The following ROBO2 variants were observed in gnomAD, a reference collection of about 807,000 sequenced individuals.
ROBO2 encodes the protein roundabout guidance receptor 2, also known as roundabout homolog 2.
Under a neutral mutation model 160.8 loss-of-function variants are expected in ROBO2, and 53 were observed. That is an observed-to-expected ratio of 0.33 (90% CI 0.26 to 0.41). The LOEUF (loss-of-function observed/expected upper bound fraction) is 0.41, where lower values mean the gene tolerates loss of function less well. Among genes scored for constraint, ROBO2 ranks in the 10% least tolerant of loss-of-function variants. The pLI is 1.00. For missense variants in ROBO2, 1,577 were observed against 1,722.4 expected, an observed-to-expected ratio of 0.92 and a Z score of 1.49; for synonymous variants, 664 against 611.7, an observed-to-expected ratio of 1.09 and a Z score of -1.26.
intron 2 of ROBO2, among the ~76,000 whole-genome samples, chr3:76,934,631 C>T (rs2077571314): frequency 6.6e-6 from 1 of 152,092 alleles, no homozygotes; most frequent in East Asian, 1.9e-4. Context: ...GTCCCAGCTA[C>T]TTGGGAGGCT....
Position 77,382,280 on chromosome 3 carries a change from G to A in ROBO2, c.389-95134G>A, listed in dbSNP as rs537339115. Among the ~76,000 whole-genome samples, 18 of 150,068 alleles carry A rather than the reference G, an allele frequency of 1.2e-4. No individual in the cohort carries two copies. The East Asian group carries it at 3.3e-3, about 28-fold the overall frequency. On this transcript the variant is annotated intron_variant, in intron 2 of 25. Transcript: ENST00000461745. ...GAATTGAGAAAATTTGATAGGCCCT[G>A]TAAAAAACACCATTAGAATGAGAAC...
At chr3:77,563,210 G>T (rs767888590) in exon 11 of ROBO2, 5 of 1,613,482 alleles carry the variant, frequency 3.1e-6, no homozygotes, top group South Asian at 1.1e-5. Context: ...TAAGTGACCT[G>T]CCAGGGCCAC....
intron 2 of ROBO2, among the ~76,000 whole-genome samples, chr3:76,412,642 C>T (rs2075553169): frequency 1.3e-5 from 2 of 152,328 alleles, no homozygotes; most frequent in Admixed American, 1.3e-4. Flanking sequence ...AATGTTAAAG[C>T]TCCAAAACGA....
chr3:76,690,389 G>A (rs2092775191), intron 2 of ROBO2, among the ~76,000 whole-genome samples: 1 of 151,934 alleles, frequency 6.6e-6, no homozygotes, highest in Non-Finnish European at 1.5e-5. Flanking sequence ...GTTGGGAGTA[G>A]CAGCCCCTTA....
intron 2 of ROBO2, among the ~76,000 whole-genome samples, chr3:76,584,402 C>T (rs906442122): frequency 9.9e-5 from 15 of 152,096 alleles, no homozygotes; most frequent in African/African-American, 3.6e-4. Flanking sequence ...ACAGGATCTT[C>T]ACAGAGTTAA....
In ROBO2 at chr3:76,668,444, T is replaced by C. The variant is rs776825008; in HGVS notation, c.110-429570T>C. On this transcript the variant is annotated intron_variant, in intron 2 of 26. Transcript: ENST00000487694. ...AATCAGGTATCTTACAGAGGTGAAGTCCCTGGTAGAAGATGGCTTGGTCAA... is the reference window on the plus strand; with the variant it reads ...AATCAGGTATCTTACAGAGGTGAAGCCCCTGGTAGAAGATGGCTTGGTCAA... Among the ~76,000 whole-genome samples, 6 of 152,166 alleles carry C rather than the reference T, an allele frequency of 3.9e-5. No homozygotes were observed. The East Asian group carries it at 5.8e-4, about 15-fold the overall frequency.
chr3:76,694,686 A>G (rs367584042), intron 2 of ROBO2, among the ~76,000 whole-genome samples: 2 of 152,316 alleles, frequency 1.3e-5, no homozygotes, highest in South Asian at 2.1e-4. Flanking sequence ...CTCAGTAAAC[A>G]TAAACTTCTA....
At chr3:76,861,761 T>C (rs1345855782) in intron 2 of ROBO2, among the ~76,000 whole-genome samples, 1 of 152,186 alleles carries the variant, frequency 6.6e-6, no homozygotes, top group Non-Finnish European at 1.5e-5. Context: ...AACATGATTT[T>C]TAATTCATGT....
chr3:76,105,607 T>C (rs767333271), intron 2 of ROBO2, among the ~76,000 whole-genome samples: 37 of 152,184 alleles, frequency 2.4e-4, no homozygotes, highest in Admixed American at 7.9e-4. Flanking sequence ...TACAGATATC[T>C]TGATACCTGG....
intron 2 of ROBO2, among the ~76,000 whole-genome samples, chr3:76,655,852 T>A (rs1051862257): frequency 4.6e-5 from 7 of 151,842 alleles, no homozygotes; most frequent in African/African-American, 1.7e-4. Flanking sequence ...TGATCCAATA[T>A]ATTTCAACAC....
chr3:76,542,791 C>A (rs1338321801), intron 2 of ROBO2, among the ~76,000 whole-genome samples: 1 of 152,170 alleles, frequency 6.6e-6, no homozygotes, highest in Non-Finnish European at 1.5e-5. Context: ...GCCTCTTCCC[C>A]TAACCACTCT....
At chr3:77,259,860 C>T (rs777649579) in intron 2 of ROBO2, among the ~76,000 whole-genome samples, 1 of 152,206 alleles carries the variant, frequency 6.6e-6, no homozygotes, top group Non-Finnish European at 1.5e-5. Flanking sequence ...CTGCGCATGG[C>T]AGCTGCAAAA....
At chr3:76,817,770 T>C (rs957320474) in intron 2 of ROBO2, among the ~76,000 whole-genome samples, 3 of 151,982 alleles carry the variant, frequency 2.0e-5, no homozygotes, top group Non-Finnish European at 4.4e-5. Context: ...CCCGAGTTAC[T>C]TCACTTTTCT....
intron 2 of ROBO2, among the ~76,000 whole-genome samples, chr3:77,288,845 A>T (rs2060809341): frequency 6.6e-6 from 1 of 152,196 alleles, no homozygotes; most frequent in East Asian, 1.9e-4. Context: ...ACACTGTATT[A>T]TAGTATCATG....
rs553870233 is a variant in ROBO2, at chr3:76,224,103, T to C, written c.109+286501T>C. 1.5e-4 allele frequency among the ~76,000 whole-genome samples: 23 copies of C among 152,306 alleles called. No individual in the cohort carries two copies. In the East Asian group the frequency reaches 4.3e-3, roughly 28 times the overall value. On this transcript the variant is annotated intron_variant, in intron 2 of 26. Coordinates refer to the ROBO2 transcript ENST00000487694. ...GAGCCATTTTCTAATAAGTCTCTTA[T>C]TACATATCTACATATATCTTATTGG...
intron 2 of ROBO2, among the ~76,000 whole-genome samples, chr3:76,499,660 T>C (rs1024211223): frequency 2.6e-5 from 4 of 152,230 alleles, no homozygotes. Flanking sequence ...AGGTAACTAT[T>C]CGACCAAACA....
At chr3:77,272,986 G>A (rs1387682634) in intron 2 of ROBO2, among the ~76,000 whole-genome samples, 1 of 151,822 alleles carries the variant, frequency 6.6e-6, no homozygotes, top group Non-Finnish European at 1.5e-5. Flanking sequence ...TTAGATTTAG[G>A]GGCACACATT....
intron 2 of ROBO2, among the ~76,000 whole-genome samples, chr3:76,740,294 T>C (rs1230283114): frequency 6.6e-6 from 1 of 152,148 alleles, no homozygotes; most frequent in Admixed American, 6.5e-5. Context: ...ACAAAATAAA[T>C]TGTTTCCTTT....
intron 2 of ROBO2, among the ~76,000 whole-genome samples, chr3:77,439,762 C>T (rs2079719919): frequency 6.6e-6 from 1 of 152,068 alleles, no homozygotes; most frequent in Admixed American, 6.6e-5. Flanking sequence ...CCCAATTTTC[C>T]TCTCATTTTC....
Sources: allele counts gnomAD v4.1 joint callset (sites outside exome capture counted in the v4.1 genomes callset), GRCh38; gene constraint gnomAD v4.1.1; transcripts MANE v1.5; gene names NCBI Gene and HGNC (gene_info 2026-07-23, HGNC 2026-07-21).